Variants in TSPAN5 observed in about 807,000 individuals in gnomAD.
TSPAN5 encodes the protein tetraspanin 5.
In TSPAN5, 10 loss-of-function variants were observed where a neutral mutation model predicts 37.1. That is an observed-to-expected ratio of 0.27 (90% CI 0.17 to 0.46). TSPAN5 has a LOEUF of 0.46. Ranked by LOEUF, TSPAN5 falls within the 20% of genes least tolerant of loss-of-function variation. The pLI is 1.00. For missense variants in TSPAN5, 195 were observed against 326.6 expected (o/e 0.60, Z 3.11); for synonymous variants, 110 against 118.9 (o/e 0.93, Z 0.48).
intron 1 of TSPAN5, among the ~76,000 whole-genome samples, chr4:98,558,564 C>T (rs966479361): frequency 3.9e-5 from 6 of 152,194 alleles, no homozygotes; most frequent in African/African-American, 1.4e-4. Context: ...GTTTGCCAAT[C>T]GATGGGCTGC....
At chr4:98,566,896 C>G (rs1431419890) in intron 1 of TSPAN5, among the ~76,000 whole-genome samples, 1 of 152,206 alleles carries the variant, frequency 6.6e-6, no homozygotes, top group Non-Finnish European at 1.5e-5. Flanking sequence ...GAACAAGCCT[C>G]GGCCTCAAGA....
chr4:98,633,672 C>A (rs1756794265), intron 1 of TSPAN5, among the ~76,000 whole-genome samples: 1 of 152,168 alleles, frequency 6.6e-6, no homozygotes, highest in Non-Finnish European at 1.5e-5. Flanking sequence ...GGCTGCACTA[C>A]CCTGAACCAC....
intron 1 of TSPAN5, among the ~76,000 whole-genome samples, chr4:98,561,352 C>T (rs906329246): frequency 6.6e-6 from 1 of 152,228 alleles, no homozygotes; most frequent in Non-Finnish European, 1.5e-5. Context: ...GAGTTCAAGA[C>T]CAGCCTGACC....
chr4:98,556,766 T>A (rs576112789), intron 1 of TSPAN5, among the ~76,000 whole-genome samples: 2 of 152,328 alleles, frequency 1.3e-5, no homozygotes, highest in Non-Finnish European at 2.9e-5. Context: ...TGGATTGAGA[T>A]AGGCCATTAT....
chr4:98,651,185 C>T (rs1757178559), intron 1 of TSPAN5, among the ~76,000 whole-genome samples: 1 of 152,162 alleles, frequency 6.6e-6, no homozygotes, highest in Non-Finnish European at 1.5e-5. Context: ...AATGAGAACG[C>T]AGCACCATTT....
intron 1 of TSPAN5, among the ~76,000 whole-genome samples, chr4:98,515,252 G>A (rs963475452): frequency 2.0e-5 from 3 of 152,146 alleles, no homozygotes; most frequent in Non-Finnish European, 1.5e-5. Flanking sequence ...ACTTCTTAGA[G>A]CTCTGGTGTC....
intron 1 of TSPAN5, among the ~76,000 whole-genome samples, chr4:98,584,773 A>C (rs1342893374): frequency 6.6e-6 from 1 of 152,242 alleles, no homozygotes; most frequent in African/African-American, 2.4e-5. Flanking sequence ...ACTGCAAAGC[A>C]TGGTAAAAGG....
chr4:98,639,917 T>C (rs1756928351), intron 1 of TSPAN5, among the ~76,000 whole-genome samples: 1 of 152,158 alleles, frequency 6.6e-6, no homozygotes, highest in Non-Finnish European at 1.5e-5. Flanking sequence ...AGAAAGCACT[T>C]ATAATAGCTC....
At chr4:98,650,963 G>A (rs1286298871) in intron 1 of TSPAN5, among the ~76,000 whole-genome samples, 1 of 152,124 alleles carries the variant, frequency 6.6e-6, no homozygotes, top group Non-Finnish European at 1.5e-5. Flanking sequence ...AAGACACTAA[G>A]TTCTTACTGA....
intron 1 of TSPAN5, among the ~76,000 whole-genome samples, chr4:98,623,238 A>G (rs1756521848): frequency 6.6e-6 from 1 of 152,180 alleles, no homozygotes; most frequent in Non-Finnish European, 1.5e-5. Context: ...ACCTCCCCCA[A>G]GGGAACTGCA....
intron 1 of TSPAN5, among the ~76,000 whole-genome samples, chr4:98,594,608 G>A (rs552458802): frequency 4.9e-5 from 3 of 61,424 alleles, no homozygotes; most frequent in East Asian, 4.0e-4. Context: ...TTTGAAATAC[G>A]TCCCATCAAT....
At chr4:98,514,798 G>C (rs1286913261) in intron 1 of TSPAN5, among the ~76,000 whole-genome samples, 1 of 152,186 alleles carries the variant, frequency 6.6e-6, no homozygotes, top group African/African-American at 2.4e-5. Context: ...AGGGGCTTTG[G>C]ATAAACTGGG....
chr4:98,545,674 C>T (rs768832100), intron 1 of TSPAN5, among the ~76,000 whole-genome samples: 6 of 152,056 alleles, frequency 3.9e-5, no homozygotes, highest in Non-Finnish European at 5.9e-5. Flanking sequence ...TGACTACTGG[C>T]GTGTGCCACC....
chr4:98,495,979 C>A (rs536507277), intron 2 of TSPAN5, among the ~76,000 whole-genome samples: 12 of 152,242 alleles, frequency 7.9e-5, no homozygotes, highest in African/African-American at 2.2e-4. Flanking sequence ...CAAAGCTGGG[C>A]CAGATGGACC....
intron 1 of TSPAN5, among the ~76,000 whole-genome samples, chr4:98,533,298 G>A (rs879131669): frequency 2.0e-5 from 3 of 152,048 alleles, no homozygotes; most frequent in Admixed American, 6.5e-5. Context: ...GGTAGAATTC[G>A]GCTGTGAATC....
At chr4:98,478,900 C>A in intron 4 of TSPAN5, 90 bp from the exon 5 acceptor site, 1 of 1,480,254 alleles carries the variant, frequency 6.8e-7, no homozygotes, top group South Asian at 1.2e-5. Context: ...CAGCTTCTGC[C>A]AGCTCTGACC....
At chr4:98,604,332 T>A (rs1006677459) in intron 1 of TSPAN5, among the ~76,000 whole-genome samples, 1 of 152,350 alleles carries the variant, frequency 6.6e-6, no homozygotes, top group African/African-American at 2.4e-5. Context: ...TGTGAAGACT[T>A]CTTTCCACAG....
intron 1 of TSPAN5, among the ~76,000 whole-genome samples, chr4:98,601,480 A>G (rs1159629098): frequency 1.3e-5 from 2 of 152,206 alleles, no homozygotes; most frequent in Non-Finnish European, 2.9e-5. Context: ...TGTTATGAAG[A>G]TGGCTGCTTT....
At chr4:98,602,636 T>G (rs1313960698) in intron 1 of TSPAN5, among the ~76,000 whole-genome samples, 1 of 152,202 alleles carries the variant, frequency 6.6e-6, no homozygotes, top group Non-Finnish European at 1.5e-5. Flanking sequence ...GTGTTCTGTT[T>G]CCAAAACTAC....
Sources: allele counts gnomAD v4.1 joint callset (sites outside exome capture counted in the v4.1 genomes callset), GRCh38; gene constraint gnomAD v4.1.1; transcripts MANE v1.5; gene names NCBI Gene and HGNC (gene_info 2026-07-23, HGNC 2026-07-21).